Variants in NKAIN3 observed in about 807,000 individuals in gnomAD.
NKAIN3 encodes sodium/potassium transporting ATPase interacting 3.
NKAIN3 carries 25 observed loss-of-function variants against 30.2 expected under a neutral mutation model. The ratio of observed to expected loss-of-function variants is 0.83; its 90% CI spans 0.60 to 1.16. The LOEUF is 1.16. NKAIN3 is among the 50% of genes most tolerant of loss of function. NKAIN3 has a pLI of 0.00. For missense variants in NKAIN3, 225 were observed against 254.1 expected, an observed-to-expected ratio of 0.89 and a Z score of 0.78; for synonymous variants, 91 against 89.6, an observed-to-expected ratio of 1.02 and a Z score of -0.09.
chr8:62,562,056 C>T (rs996624445), intron 1 of NKAIN3, among the ~76,000 whole-genome samples: 1 of 152,126 alleles, frequency 6.6e-6, no homozygotes, highest in South Asian at 2.1e-4. Flanking sequence ...CATATGACCA[C>T]CTGCATCAGA....
chr8:62,891,259 C>T (rs1821288837), intron 4 of NKAIN3, among the ~76,000 whole-genome samples: 1 of 152,208 alleles, frequency 6.6e-6, no homozygotes, highest in African/African-American at 2.4e-5. Context: ...CTTGCTGAGT[C>T]TTCTGGCCTT....
At position 62,976,333 on chromosome 8, in the gene NKAIN3, G is replaced by C. The variant is rs1416552811; in HGVS notation, c.*10926G>C. Among the ~76,000 whole-genome samples the C allele has an allele frequency of 6.6e-6, 1 of 151,996 alleles. No individual in the cohort carries two copies. The highest frequency in any genetic ancestry group is 2.4e-5 in the African/African-American group (1 of 41,386). On this transcript the variant is annotated 3_prime_UTR_variant, in exon 7 of 7. Transcript: ENST00000623646. Reference sequence around the variant, plus strand: ...TGTGGTAGTCTAAGTCTCTTTGTAGGTCTCTAAGAACTTGCTTTATGAATC... The same window carrying C: ...TGTGGTAGTCTAAGTCTCTTTGTAGCTCTCTAAGAACTTGCTTTATGAATC...
At chr8:62,767,103 G>A (rs1816863187) in intron 4 of NKAIN3, among the ~76,000 whole-genome samples, 1 of 152,000 alleles carries the variant, frequency 6.6e-6, no homozygotes, top group Non-Finnish European at 1.5e-5. Flanking sequence ...TTCCCTTTTA[G>A]TTAGAGAGCT....
intron 4 of NKAIN3, among the ~76,000 whole-genome samples, chr8:62,867,551 G>T (rs1202514548): frequency 6.6e-6 from 1 of 152,164 alleles, no homozygotes; most frequent in African/African-American, 2.4e-5. Context: ...GTCTGTCATA[G>T]CTCAAAAGAC....
At chr8:62,707,999 T>C (rs570156475) in intron 3 of NKAIN3, among the ~76,000 whole-genome samples, 9 of 152,154 alleles carry the variant, frequency 5.9e-5, no homozygotes, top group Non-Finnish European at 1.5e-5. Context: ...CCCCACTTCA[T>C]GTTTTTGTTT....
chr8:62,926,743 A>G (rs942341197), intron 5 of NKAIN3, among the ~76,000 whole-genome samples: 1 of 152,016 alleles, frequency 6.6e-6, no homozygotes, highest in Non-Finnish European at 1.5e-5. Flanking sequence ...AAAAAAATAA[A>G]AGCAGTGGGA....
At chr8:62,886,341 A>T (rs971483149) in intron 4 of NKAIN3, among the ~76,000 whole-genome samples, 5 of 152,060 alleles carry the variant, frequency 3.3e-5, no homozygotes, top group African/African-American at 1.2e-4. Flanking sequence ...ATACAGAAGC[A>T]TATGTAAACA....
chr8:62,804,580 G>A (rs982984976), intron 4 of NKAIN3, among the ~76,000 whole-genome samples: 1 of 152,130 alleles, frequency 6.6e-6, no homozygotes, highest in African/African-American at 2.4e-5. Flanking sequence ...TGCAGAAAAG[G>A]CCTTTGACAA....
In NKAIN3 at chr8:62,512,461, T is replaced by C. The variant is rs905638498; in HGVS notation, c.55-67078T>C. ...ACTTCTCTAATATGTGACCATGGTT[T>C]CCCTGGTTTTGAGGGATTTGATGTT... On this transcript the variant is annotated intron_variant, in intron 1 of 6. Coordinates refer to ENST00000623646, the MANE Select transcript of NKAIN3 (RefSeq NM_001304533.3). 1.6e-4 allele frequency among the ~76,000 whole-genome samples: 25 copies of C among 152,186 alleles called. 1 individual carries two copies. Among genetic ancestry groups the C allele is most frequent in the Non-Finnish European group, 2.4e-4 (16 of 68,026 alleles).
At chr8:62,855,278 A>C in intron 4 of NKAIN3, 1 of 489,476 alleles carries the variant, frequency 2.0e-6, no homozygotes, top group Non-Finnish European at 3.8e-6. Flanking sequence ...ACAGTGTGGA[A>C]GGGCAGCTGG....
downstream of NKAIN3, among the ~76,000 whole-genome samples, chr8:62,985,926 T>C (rs1265991138): frequency 6.6e-6 from 1 of 152,096 alleles, no homozygotes; most frequent in East Asian, 1.9e-4. Flanking sequence ...AAATTCATAC[T>C]TTTTTTTCCA....
chr8:62,684,605 C>G (rs536994402), intron 3 of NKAIN3, among the ~76,000 whole-genome samples: 1 of 152,186 alleles, frequency 6.6e-6, no homozygotes, highest in South Asian at 2.1e-4. Context: ...TACCTAACAC[C>G]TCTGTTCTCA....
rs570467238 is a variant in NKAIN3 at position 62,919,813 on chromosome 8, T to C, written c.532+1300T>C. On this transcript the variant is annotated intron_variant, in intron 5 of 6. Transcript: ENST00000623646. Reference sequence around the variant, plus strand: ...AGAATCTGATGGGGTCTTGTCTCAATTTATTTGACCAAACCTCAGACCCTG... The same window carrying C: ...AGAATCTGATGGGGTCTTGTCTCAACTTATTTGACCAAACCTCAGACCCTG... Among the ~76,000 whole-genome samples, 4 of 152,210 alleles carry C rather than the reference T, an allele frequency of 2.6e-5. No homozygotes were observed. The South Asian group carries it at 8.3e-4, about 32-fold the overall frequency.
intron 1 of NKAIN3, among the ~76,000 whole-genome samples, chr8:62,320,895 G>T (rs1178580348): frequency 2.0e-5 from 3 of 152,106 alleles, no homozygotes; most frequent in African/African-American, 7.2e-5. Context: ...GCTAGATTGG[G>T]GAAGTTCTCC....
chr8:62,451,225 C>T (rs1805629273), intron 1 of NKAIN3, among the ~76,000 whole-genome samples: 1 of 151,722 alleles, frequency 6.6e-6, no homozygotes, highest in African/African-American at 2.4e-5. Context: ...CTTCTCTTCT[C>T]TTTTCTCTTC....
At chr8:62,650,629 A>C (rs1016651541) in intron 3 of NKAIN3, among the ~76,000 whole-genome samples, 7 of 152,120 alleles carry the variant, frequency 4.6e-5, no homozygotes, top group African/African-American at 1.7e-4. Context: ...TTCCATAACT[A>C]ATTATATACC....
intron 3 of NKAIN3, among the ~76,000 whole-genome samples, chr8:62,614,304 A>G (rs578037926): frequency 6.6e-6 from 1 of 152,302 alleles, no homozygotes; most frequent in Non-Finnish European, 1.5e-5. Context: ...GAGAATTCTC[A>G]GGATTTTCAG....
intron 1 of NKAIN3, among the ~76,000 whole-genome samples, chr8:62,562,739 A>G (rs1809627798): frequency 6.6e-6 from 1 of 152,164 alleles, no homozygotes; most frequent in South Asian, 2.1e-4. Flanking sequence ...TTTCACACGT[A>G]CAAGGGGTTT....
chr8:62,662,787 G>A lies in NKAIN3; in HGVS notation c.273+72993G>A, dbSNP rs564580780. On this transcript the variant is annotated intron_variant, in intron 3 of 6. Coordinates refer to ENST00000623646, the MANE Select transcript of NKAIN3 (RefSeq NM_001304533.3). ...CAACTATGTACAAAATACTTTAAAA[G>A]ACAATATGTGAATGTGTTTGGGAGA... Among the ~76,000 whole-genome samples, 8 of 152,270 alleles carry A rather than the reference G, an allele frequency of 5.3e-5. No individual in the cohort carries two copies. The South Asian group carries it at 8.3e-4, about 16-fold the overall frequency.
Sources: gnomAD v4.1 joint callset for allele counts (sites outside exome capture counted in the v4.1 genomes callset) on GRCh38, gnomAD v4.1.1 for gene constraint, MANE v1.5 for transcripts, NCBI Gene and HGNC (gene_info 2026-07-23, HGNC 2026-07-21) for gene names.